FAM169A: variants seen among roughly 807,000 people sequenced by gnomAD.
FAM169A encodes the protein family with sequence similarity 169 member A.
In FAM169A, 24 loss-of-function variants were observed where a neutral mutation model predicts 75.7. That is an observed-to-expected ratio of 0.32 (90% CI 0.23 to 0.45). The LOEUF is 0.45. Ranked by LOEUF, FAM169A falls within the 20% of genes least tolerant of loss-of-function variation. The pLI is 1.00. For missense variants in FAM169A, 673 were observed against 784.0 expected, an observed-to-expected ratio of 0.86 and a Z score of 1.69; for synonymous variants, 271 against 271.0, an observed-to-expected ratio of 1.00 and a Z score of 0.00.
chr5:74,781,402 T>G lies in FAM169A; in HGVS notation c.*58A>C. 6.6e-7 allele frequency: 1 copy of G among 1,520,476 alleles called. No homozygotes were observed. The highest frequency in any genetic ancestry group is 8.9e-7 in the Non-Finnish European group (1 of 1,121,608). The allele number at this position is 1,520,476 out of a possible 1,614,324, so 94.2% of individuals were successfully genotyped here. ...CCATGCTGTTTATTAATTACCATAT[T>G]TTAAAAACAACAACTATGTTACAAA... is the stretch of plus-strand genomic sequence containing the variant. On this transcript the variant is annotated 3_prime_UTR_variant, in exon 13 of 13. Transcript: ENST00000687041.
chr5:74,791,850 T>C (rs908502186), intron 11 of FAM169A, among the ~76,000 whole-genome samples: 2 of 152,196 alleles, frequency 1.3e-5, no homozygotes, highest in Admixed American at 6.5e-5. Flanking sequence ...CAGAAGAAGG[T>C]AGTCATCAAC....
chr5:74,827,545 TATTATA>T (rs941553475), intron 5 of FAM169A, among the ~76,000 whole-genome samples: 8 of 152,218 alleles, frequency 5.3e-5, no homozygotes, highest in African/African-American at 1.9e-4. Flanking sequence ...AATTTGGAAT[TATTATA>T]ATTATTATAT....
intron 1 of FAM169A, among the ~76,000 whole-genome samples, chr5:74,862,888 C>T (rs1343543169): frequency 6.6e-6 from 1 of 152,046 alleles, no homozygotes; most frequent in Non-Finnish European, 1.5e-5. Flanking sequence ...CTATAGACTC[C>T]GTGACAGTAG....
intron 1 of FAM169A, among the ~76,000 whole-genome samples, chr5:74,847,187 AG>A (rs1749198823): frequency 6.6e-6 from 1 of 152,186 alleles, no homozygotes; most frequent in Non-Finnish European, 1.5e-5. Context: ...TTAAGTATAC[AG>A]TTCCGTATAC....
chr5:74,847,886 C>T (rs886759095), intron 1 of FAM169A, among the ~76,000 whole-genome samples: 1 of 152,038 alleles, frequency 6.6e-6, no homozygotes, highest in African/African-American at 2.4e-5. Context: ...TACAAAACAA[C>T]CCTGTGTCCC....
intron 6 of FAM169A, among the ~76,000 whole-genome samples, chr5:74,805,830 A>G (rs921509696): frequency 6.6e-6 from 1 of 152,190 alleles, no homozygotes; most frequent in Non-Finnish European, 1.5e-5. Context: ...ATTGATCTAT[A>G]AATTCCATGC....
At chr5:74,833,293 A>C (rs2112646506) in intron 5 of FAM169A, among the ~76,000 whole-genome samples, 1 of 151,298 alleles carries the variant, frequency 6.6e-6, no homozygotes, top group East Asian at 2.0e-4. Context: ...AAAAACAACA[A>C]AGTGATGTCT....
At chr5:74,801,343 T>A (rs769929532) in intron 9 of FAM169A, among the ~76,000 whole-genome samples, 1 of 152,196 alleles carries the variant, frequency 6.6e-6, no homozygotes, top group African/African-American at 2.4e-5. Context: ...ATAAACAACG[T>A]AGACATTACC....
chr5:74,830,944 C>G (rs1027881264), intron 5 of FAM169A, among the ~76,000 whole-genome samples: 1 of 152,108 alleles, frequency 6.6e-6, no homozygotes, highest in East Asian at 1.9e-4. Context: ...CAAAACACTA[C>G]CTGCATTTAC....
chr5:74,817,304 A>C (rs1353819785), intron 5 of FAM169A, among the ~76,000 whole-genome samples: 1 of 152,128 alleles, frequency 6.6e-6, no homozygotes, highest in Non-Finnish European at 1.5e-5. Context: ...AATCCTAAGG[A>C]ATCCACTTAA....
chr5:74,814,170 A>G (rs1747352463), intron 5 of FAM169A, 151 bp from the exon 6 acceptor site: 3 of 523,642 alleles, frequency 5.7e-6, no homozygotes, highest in Admixed American at 3.8e-5. Flanking sequence ...AGTGTTTTTC[A>G]GCTACTATTA....
intron 5 of FAM169A, among the ~76,000 whole-genome samples, chr5:74,816,451 G>A (rs1373305867): frequency 6.6e-6 from 1 of 152,056 alleles, no homozygotes; most frequent in African/African-American, 2.4e-5. Context: ...TGTTAAAATG[G>A]CCAGTTTATG....
intron 11 of FAM169A, among the ~76,000 whole-genome samples, chr5:74,784,690 G>A (rs1229471707): frequency 8.0e-5 from 12 of 150,266 alleles, no homozygotes; most frequent in Admixed American, 2.0e-4. Flanking sequence ...AGGCCGAGGC[G>A]GGCGGATCAC....
intron 6 of FAM169A, among the ~76,000 whole-genome samples, chr5:74,807,368 G>C (rs923200415): frequency 6.6e-5 from 10 of 152,186 alleles, no homozygotes; most frequent in Non-Finnish European, 1.3e-4. Context: ...GTAGAGTATT[G>C]GTTGGTTGCC....
chr5:74,815,654 C>G (rs1580118896), intron 5 of FAM169A, among the ~76,000 whole-genome samples: 1 of 152,130 alleles, frequency 6.6e-6, no homozygotes, highest in Admixed American at 6.5e-5. Flanking sequence ...CATTCCCAGA[C>G]AGTTAAGGCA....
intron 6 of FAM169A, among the ~76,000 whole-genome samples, chr5:74,809,468 C>T (rs949904314): frequency 1.2e-4 from 19 of 152,108 alleles, no homozygotes; most frequent in African/African-American, 3.9e-4. Flanking sequence ...TGGTGGCAGG[C>T]GCCTGTAGTC....
intron 1 of FAM169A, among the ~76,000 whole-genome samples, chr5:74,861,928 G>A (rs1463403572): frequency 1.8e-4 from 27 of 152,168 alleles, no homozygotes; most frequent in Non-Finnish European, 4.4e-5. Flanking sequence ...TAGCTAAAGA[G>A]GCCAAGCCTA....
At chr5:74,799,860 A>C (rs1746471069) in intron 10 of FAM169A, 5 of 1,017,478 alleles carry the variant, frequency 4.9e-6, no homozygotes, top group Non-Finnish European at 7.9e-6. Context: ...AGACATTCCA[A>C]AACAGAGCAT....
intron 10 of FAM169A, among the ~76,000 whole-genome samples, chr5:74,797,224 T>C (rs572123842): frequency 1.2e-3 from 190 of 152,354 alleles, no homozygotes; most frequent in African/African-American, 4.3e-3. Flanking sequence ...TCACCTACGC[T>C]GGAGTGCAGT....
Sources: gnomAD v4.1 joint callset for allele counts (sites outside exome capture counted in the v4.1 genomes callset) on GRCh38, gnomAD v4.1.1 for gene constraint, MANE v1.5 for transcripts, NCBI Gene and HGNC (gene_info 2026-07-23, HGNC 2026-07-21) for gene names.